RIMS2: variants seen among roughly 807,000 people sequenced by gnomAD.
RIMS2 encodes regulating synaptic membrane exocytosis protein 2.
A neutral mutation model predicts 174.4 loss-of-function variants in RIMS2; 59 were observed. The observed-to-expected ratio is 0.34, with a 90% CI of 0.27 to 0.42. The LOEUF (loss-of-function observed/expected upper bound fraction) is 0.42. Among genes scored for constraint, RIMS2 ranks in the 10% least tolerant of loss-of-function variants. The pLI is 1.00. For missense variants in RIMS2, 1,620 were observed against 1,666.3 expected (o/e 0.97, Z 0.48); for synonymous variants, 606 against 572.5 (o/e 1.06, Z -0.84).
intron 1 of RIMS2, among the ~76,000 whole-genome samples, chr8:103,503,102 T>C (rs1371678722): frequency 6.6e-6 from 1 of 151,960 alleles, no homozygotes; most frequent in African/African-American, 2.4e-5. Flanking sequence ...TCTATAAAAT[T>C]ACATTGATGA....
At chr8:104,223,518 G>A (rs1179059571) in intron 19 of RIMS2, 4 of 1,411,710 alleles carry the variant, frequency 2.8e-6, no homozygotes, top group Non-Finnish European at 3.7e-6. Context: ...GGGAGGCAGG[G>A]GCCAGAGCCT....
chr8:104,198,223 T>C (rs886859993), intron 19 of RIMS2, among the ~76,000 whole-genome samples: 1 of 152,150 alleles, frequency 6.6e-6, no homozygotes, highest in Non-Finnish European at 1.5e-5. Flanking sequence ...GTTGAGACAA[T>C]TAAGACAAAT....
At chr8:103,853,159 G>A (rs1447046772) in intron 3 of RIMS2, among the ~76,000 whole-genome samples, 1 of 152,008 alleles carries the variant, frequency 6.6e-6, no homozygotes, top group Non-Finnish European at 1.5e-5. Flanking sequence ...TTTTGAAAAT[G>A]CATTTCTCTG....
chr8:103,976,548 C>CTTTTTCTTTTTTTTTT (rs1555075311), intron 16 of RIMS2: 1 of 124,568 alleles, frequency 8.0e-6, no homozygotes, highest in Non-Finnish European at 1.7e-5. Flanking sequence ...TTTTCTTTTT[C>CTTTTTCTTTTTTTTTT]TTTTTTTTTT....
intron 1 of RIMS2, among the ~76,000 whole-genome samples, chr8:103,525,487 C>T (rs2469978): frequency 0.18 from 27,655 of 152,142 alleles, 3,117 homozygotes; most frequent in South Asian, 0.34. Context: ...TTGAAGTTCA[C>T]ATTACATGGA....
intron 2 of RIMS2, among the ~76,000 whole-genome samples, chr8:103,699,693 TTTC>T (rs2097146935): frequency 6.6e-6 from 1 of 152,138 alleles, no homozygotes; most frequent in Non-Finnish European, 1.5e-5. Context: ...CCTTGAAACT[TTTC>T]TTCTTTTGTA....
In RIMS2 at chr8:104,211,596, G is replaced by A. The variant is rs114256379; in HGVS notation, c.3335-33320G>A. Reference sequence around the variant, plus strand: ...TTTTTTTTTTTTGAGACAGAGTTTCGCTCTGTTGCCCCGACTAGAGTGCAG... The same window carrying A: ...TTTTTTTTTTTTGAGACAGAGTTTCACTCTGTTGCCCCGACTAGAGTGCAG... On this transcript the variant is annotated intron_variant, in intron 19 of 23. Coordinates refer to ENST00000504942, the Ensembl canonical transcript of RIMS2. 4.6e-3 allele frequency among the ~76,000 whole-genome samples: 691 copies of A among 149,434 alleles called. 9 individuals carry two copies. The highest frequency in any genetic ancestry group is 0.016 in the African/African-American group (641 of 39,972).
chr8:103,598,547 T>C (rs547855273), intron 1 of RIMS2, among the ~76,000 whole-genome samples: 1 of 152,298 alleles, frequency 6.6e-6, no homozygotes, highest in South Asian at 2.1e-4. Flanking sequence ...ATTGGGCAGA[T>C]TCAAGTGGCA....
At chr8:103,822,572 A>G (rs1341038051) in intron 3 of RIMS2, among the ~76,000 whole-genome samples, 1 of 151,824 alleles carries the variant, frequency 6.6e-6, no homozygotes, top group Non-Finnish European at 1.5e-5. Context: ...CACAAACCTT[A>G]TTTTCATACT....
intron 16 of RIMS2, among the ~76,000 whole-genome samples, chr8:103,979,512 C>A (rs1426644430): frequency 2.0e-5 from 3 of 152,234 alleles, no homozygotes; most frequent in Non-Finnish European, 2.9e-5. Context: ...CAAAAAGATA[C>A]CTGTGAGGGG....
At chr8:104,134,202 C>T (rs141351168) in intron 19 of RIMS2, among the ~76,000 whole-genome samples, 8 of 152,094 alleles carry the variant, frequency 5.3e-5, no homozygotes, top group African/African-American at 7.2e-5. Context: ...CAGTGGCTCA[C>T]GCCTGTAATT....
chr8:103,834,676 T>TTTTCTTTCTTTCTTTCTTTCTTTCTTTC (rs71297240), intron 3 of RIMS2, among the ~76,000 whole-genome samples: 4 of 120,096 alleles, frequency 3.3e-5, no homozygotes, highest in South Asian at 3.0e-4. Context: ...TCTGAGGTCT[T>TTTTCTTTCTTTCTTTCTTTCTTTCTTTC]TTTCTTTCTT....
chr8:104,152,925 A>G (rs1162026222), intron 19 of RIMS2, among the ~76,000 whole-genome samples: 1 of 152,176 alleles, frequency 6.6e-6, no homozygotes, highest in Non-Finnish European at 1.5e-5. Context: ...TACTATTGTA[A>G]AAATAAATGT....
intron 17 of RIMS2, among the ~76,000 whole-genome samples, chr8:104,008,043 T>A (rs1434398488): frequency 6.6e-6 from 1 of 152,148 alleles, no homozygotes; most frequent in Non-Finnish European, 1.5e-5. Flanking sequence ...GTATTCTAGC[T>A]TGAGAGCCAT....
chr8:104,013,372 T>G (rs1565844482), intron 17 of RIMS2, 70 bp from the exon 20 acceptor site: 2 of 1,226,182 alleles, frequency 1.6e-6, no homozygotes, highest in Non-Finnish European at 2.3e-6. Context: ...AAAATCAGTT[T>G]GATGCATCAT....
intron 3 of RIMS2, among the ~76,000 whole-genome samples, chr8:103,800,148 A>G (rs1471956731): frequency 1.3e-5 from 2 of 152,166 alleles, no homozygotes; most frequent in African/African-American, 2.4e-5. Flanking sequence ...GCACTTATAT[A>G]TAATTGGGCC....
intron 17 of RIMS2, among the ~76,000 whole-genome samples, chr8:104,008,400 T>C (rs1021540211): frequency 6.6e-6 from 1 of 151,810 alleles, no homozygotes; most frequent in Non-Finnish European, 1.5e-5. Context: ...TTTGTTTCTG[T>C]TATTTTTTAA....
intron 2 of RIMS2, among the ~76,000 whole-genome samples, chr8:103,708,854 A>G (rs1457473380): frequency 6.6e-6 from 1 of 152,048 alleles, no homozygotes; most frequent in Non-Finnish European, 1.5e-5. Flanking sequence ...ATTATTTTTC[A>G]AATATTTTTA....
chr8:103,908,444 A>T lies in RIMS2; in HGVS notation c.1625-1690A>T, dbSNP rs562017625. 3.3e-5 allele frequency among the ~76,000 whole-genome samples: 5 copies of T among 152,258 alleles called. No homozygotes were observed. The East Asian group carries it at 9.7e-4, about 29-fold the overall frequency. Reference sequence around the variant, plus strand: ...ACCACCATATTTAATACATTCTCAGATGTACATTTTTATCATTTTATATCC... The same window carrying T: ...ACCACCATATTTAATACATTCTCAGTTGTACATTTTTATCATTTTATATCC... On this transcript the variant is annotated intron_variant, in intron 4 of 23. Transcript: ENST00000504942.
Sources: allele counts gnomAD v4.1 joint callset (sites outside exome capture counted in the v4.1 genomes callset), GRCh38; gene constraint gnomAD v4.1.1; transcripts MANE v1.5; gene names NCBI Gene and HGNC (gene_info 2026-07-23, HGNC 2026-07-21).